GPC6: variants seen among roughly 807,000 people sequenced by gnomAD.
The protein encoded by GPC6 is glypican 6.
GPC6 carries 14 observed loss-of-function variants against 55.2 expected under a neutral mutation model. The ratio of observed to expected loss-of-function variants is 0.25; its 90% CI spans 0.17 to 0.40. The LOEUF is 0.40. Among genes scored for constraint, GPC6 ranks in the 10% least tolerant of loss-of-function variants. The pLI is 1.00. For missense variants in GPC6, 641 were observed against 708.5 expected (o/e 0.90, Z 1.08); for synonymous variants, 278 against 259.6 (o/e 1.07, Z -0.68).
chr13:93,716,166 C>T (rs1283046024), intron 2 of GPC6, among the ~76,000 whole-genome samples: 5 of 151,626 alleles, frequency 3.3e-5, no homozygotes. Context: ...ATATACAGTA[C>T]ATACTACTTG....
At chr13:94,359,051 A>G (rs1018892487) in intron 6 of GPC6, among the ~76,000 whole-genome samples, 1 of 152,186 alleles carries the variant, frequency 6.6e-6, no homozygotes, top group Non-Finnish European at 1.5e-5. Context: ...ATAATGGAGA[A>G]GGGGAACTTA....
chr13:93,802,470 A>G (rs1886406503), intron 2 of GPC6, among the ~76,000 whole-genome samples: 1 of 152,044 alleles, frequency 6.6e-6, no homozygotes, highest in Non-Finnish European at 1.5e-5. Flanking sequence ...CAATCATAAC[A>G]CACTGCAACC....
intron 3 of GPC6, among the ~76,000 whole-genome samples, chr13:93,940,233 G>A (rs1212390092): frequency 1.3e-5 from 2 of 151,974 alleles, no homozygotes; most frequent in East Asian, 3.9e-4. Flanking sequence ...TTTAATAGAA[G>A]CCATTACTTT....
At chr13:93,775,466 A>G (rs1344820474) in intron 2 of GPC6, among the ~76,000 whole-genome samples, 1 of 152,192 alleles carries the variant, frequency 6.6e-6, no homozygotes, top group Non-Finnish European at 1.5e-5. Context: ...CTCAAGCTAA[A>G]CCTGGAGTTT....
intron 4 of GPC6, among the ~76,000 whole-genome samples, chr13:94,139,519 G>A (rs1250692666): frequency 6.6e-6 from 1 of 152,148 alleles, no homozygotes; most frequent in African/African-American, 2.4e-5. Context: ...CATCTGCCAA[G>A]TATCTTGTAG....
intron 3 of GPC6, among the ~76,000 whole-genome samples, chr13:93,849,778 A>G (rs1056342434): frequency 6.6e-6 from 1 of 152,076 alleles, no homozygotes; most frequent in African/African-American, 2.4e-5. Flanking sequence ...CAGTAGTTTC[A>G]TAGTCTTCAC....
intron 1 of GPC6, among the ~76,000 whole-genome samples, chr13:93,351,199 AACAGGTGGAATATTAATTTC>A (rs1443234853): frequency 6.6e-6 from 1 of 152,192 alleles, no homozygotes; most frequent in Non-Finnish European, 1.5e-5. Flanking sequence ...CAGCATTCCC[AACAGGTGGAATATTAATTTC>A]ATCCTGTTTA....
chr13:93,219,674 C>T, the GPC6 span, among the ~76,000 whole-genome samples: 1 of 151,954 alleles, frequency 6.6e-6, no homozygotes, highest in Non-Finnish European at 1.5e-5. Flanking sequence ...GAAAACTTCT[C>T]AAATTAAAAG....
chr13:93,321,597 G>T (rs932067634), intron 1 of GPC6, among the ~76,000 whole-genome samples: 1 of 152,048 alleles, frequency 6.6e-6, no homozygotes, highest in Non-Finnish European at 1.5e-5. Context: ...AGAGAATTAG[G>T]GTTGAAATGG....
chr13:93,366,070 C>T (rs568427555), intron 1 of GPC6, among the ~76,000 whole-genome samples: 7 of 152,132 alleles, frequency 4.6e-5, no homozygotes, highest in African/African-American at 1.7e-4. Context: ...TATCTCTGGT[C>T]AGAGTGTCAA....
chr13:94,288,358 T>C (rs1594134381), intron 5 of GPC6, among the ~76,000 whole-genome samples: 1 of 152,138 alleles, frequency 6.6e-6, no homozygotes, highest in South Asian at 2.1e-4. Flanking sequence ...CCCCCTCCAA[T>C]TTATTCTTCA....
rs71662443 is a variant in GPC6 at position 93,567,478 on chromosome 13, C to CT, written c.319+22067dup. Among the ~76,000 whole-genome samples, 135 of 148,904 alleles carry CT rather than the reference C, an allele frequency of 9.1e-4. 1 individual carries two copies. The highest frequency in any genetic ancestry group is 6.7e-3 in the East Asian group (34 of 5,096). ...TTGTTAGCCTATTGTTCTATTGAAA[C>CT]TTTTTTTTTTGTATTTTTCTTTTTT... On this transcript the variant is annotated intron_variant, in intron 2 of 8. Coordinates refer to ENST00000377047, the MANE Select transcript of GPC6 (RefSeq NM_005708.5).
At chr13:93,244,896 G>A (rs564832309) in intron 1 of GPC6, among the ~76,000 whole-genome samples, 2 of 151,982 alleles carry the variant, frequency 1.3e-5, no homozygotes, top group East Asian at 1.9e-4. Context: ...AAAGGGTGAC[G>A]CACACTAACA....
At chr13:94,014,593 CA>C (rs1185261237) in intron 3 of GPC6, among the ~76,000 whole-genome samples, 2 of 152,106 alleles carry the variant, frequency 1.3e-5, no homozygotes, top group Non-Finnish European at 2.9e-5. Flanking sequence ...TGTTAGCAAG[CA>C]CCACTGTTCC....
intron 1 of GPC6, among the ~76,000 whole-genome samples, chr13:93,237,156 G>A (rs965892206): frequency 3.3e-5 from 5 of 152,034 alleles, no homozygotes; most frequent in Admixed American, 6.5e-5. Context: ...GCTGTTTTCC[G>A]TAGAAGTTGC....
intron 7 of GPC6, among the ~76,000 whole-genome samples, chr13:94,386,776 A>G (rs559551073): frequency 1.3e-5 from 2 of 152,246 alleles, no homozygotes; most frequent in South Asian, 2.1e-4. Flanking sequence ...TGTTTTATCC[A>G]TCAGACTCTT....
At chr13:93,554,433 C>A (rs1039932955) in intron 2 of GPC6, among the ~76,000 whole-genome samples, 1 of 152,012 alleles carries the variant, frequency 6.6e-6, no homozygotes, top group Non-Finnish European at 1.5e-5. Flanking sequence ...CATGAACAGG[C>A]CTGTTAAAAT....
intron 3 of GPC6, among the ~76,000 whole-genome samples, chr13:93,897,758 G>C (rs1876099466): frequency 6.6e-6 from 1 of 152,036 alleles, no homozygotes; most frequent in African/African-American, 2.4e-5. Flanking sequence ...CACCCACCAG[G>C]AGTGAATGAC....
intron 1 of GPC6, among the ~76,000 whole-genome samples, chr13:93,500,777 G>T (rs1352173062): frequency 1.3e-5 from 2 of 152,082 alleles, no homozygotes; most frequent in Non-Finnish European, 2.9e-5. Context: ...CTTAAAAATA[G>T]ACAATGAGCA....
Sources: allele counts gnomAD v4.1 joint callset (sites outside exome capture counted in the v4.1 genomes callset), GRCh38; gene constraint gnomAD v4.1.1; transcripts MANE v1.5; gene names NCBI Gene and HGNC (gene_info 2026-07-23, HGNC 2026-07-21).